AP1S3: variants seen among roughly 807,000 people sequenced by gnomAD.
AP1S3 encodes the protein adaptor related protein complex 1 subunit sigma 3, also known as AP-1 complex subunit sigma-3.
AP1S3 carries 10 observed loss-of-function variants against 20.9 expected under a neutral mutation model. The observed-to-expected ratio is 0.48, with a 90% CI of 0.29 to 0.81. The LOEUF is 0.81. AP1S3 is among the 30% of genes least tolerant of loss of function. The pLI is 0.08. For synonymous variants in AP1S3, 41 were observed against 61.5 expected (o/e 0.67, Z 1.56); for missense variants, 154 against 183.8 (o/e 0.84, Z 0.94).
intron 3 of AP1S3, among the ~76,000 whole-genome samples, chr2:223,768,139 G>C (rs1485552913): frequency 6.6e-6 from 1 of 152,198 alleles, no homozygotes; most frequent in Non-Finnish European, 1.5e-5. Flanking sequence ...GGGCCCTGCT[G>C]TCTGATTTCC....
At position 223,822,615 on chromosome 2, in the gene AP1S3, C is replaced by T. The variant is rs556641730; in HGVS notation, c.3+14833G>A. 9.9e-5 allele frequency among the ~76,000 whole-genome samples: 15 copies of T among 151,926 alleles called. No homozygotes were observed. The East Asian group carries it at 1.9e-3, about 20-fold the overall frequency. On this transcript the variant is annotated intron_variant, in intron 1 of 4. Transcript: ENST00000396654. Reference sequence around the variant, plus strand: ...AGGAGAATCGCTTTAACCTGGGAGGCGGAGGTTGCAGTGAGCCGAGATCGC... The same window carrying T: ...AGGAGAATCGCTTTAACCTGGGAGGTGGAGGTTGCAGTGAGCCGAGATCGC...
chr2:223,764,005 G>T (rs1426285220), intron 4 of AP1S3, among the ~76,000 whole-genome samples: 1 of 152,112 alleles, frequency 6.6e-6, no homozygotes, highest in Non-Finnish European at 1.5e-5. Flanking sequence ...TGCAACCTCC[G>T]CCTCCCGGGT....
At chr2:223,777,205 G>C (rs1690803160) in intron 2 of AP1S3, among the ~76,000 whole-genome samples, 2 of 152,152 alleles carry the variant, frequency 1.3e-5, no homozygotes, top group Admixed American at 1.3e-4. Context: ...AGACCAGCCT[G>C]GCCAACATGG....
At chr2:223,812,205 TTTTG>T (rs368221060) in intron 1 of AP1S3, among the ~76,000 whole-genome samples, 2 of 152,156 alleles carry the variant, frequency 1.3e-5, no homozygotes, top group African/African-American at 4.8e-5. Flanking sequence ...ATGTAAGCCT[TTTTG>T]TTTGTTTGTT....
At chr2:223,834,859 A>T (rs75714608) in intron 1 of AP1S3, among the ~76,000 whole-genome samples, 2 of 152,310 alleles carry the variant, frequency 1.3e-5, no homozygotes, top group African/African-American at 4.8e-5. Flanking sequence ...CAAAAAAAAA[A>T]TTAGTGAAAA....
At chr2:223,817,698 T>C (rs1251474225) in intron 1 of AP1S3, among the ~76,000 whole-genome samples, 1 of 151,636 alleles carries the variant, frequency 6.6e-6, no homozygotes, top group Non-Finnish European at 1.5e-5. Flanking sequence ...TCTCTGAGTA[T>C]CCGCTGTTGA....
rs75469809 is a variant in AP1S3 at position 223,776,679 on chromosome 2, C to T, written c.183-670G>A. Reference sequence around the variant, plus strand: ...TGGCTTAGGCATCAATTACCTGGGTCTCCAAGGGCAAAATTATGTTACCTC... The same window carrying T: ...TGGCTTAGGCATCAATTACCTGGGTTTCCAAGGGCAAAATTATGTTACCTC... On this transcript the variant is annotated intron_variant, in intron 2 of 4. Transcript: ENST00000396654. 1.5e-3 allele frequency among the ~76,000 whole-genome samples: 228 copies of T among 152,242 alleles called. 1 individual carries two copies. Among genetic ancestry groups the T allele is most frequent in the Admixed American group, 4.1e-3 (63 of 15,288 alleles).
At chr2:223,811,319 A>G (rs1473022706) in intron 1 of AP1S3, among the ~76,000 whole-genome samples, 4 of 152,050 alleles carry the variant, frequency 2.6e-5, no homozygotes, top group Non-Finnish European at 5.9e-5. Context: ...TGTAATCCCA[A>G]CACTTTTGGA....
At chr2:223,810,012 C>A (rs911613892) in intron 1 of AP1S3, among the ~76,000 whole-genome samples, 1 of 152,014 alleles carries the variant, frequency 6.6e-6, no homozygotes, top group Non-Finnish European at 1.5e-5. Flanking sequence ...CAGGTTGAGC[C>A]ACCGTGCCCG....
At chr2:223,795,710 C>A (rs1278230415) in intron 1 of AP1S3, among the ~76,000 whole-genome samples, 1 of 152,034 alleles carries the variant, frequency 6.6e-6, no homozygotes, top group Admixed American at 6.6e-5. Context: ...TGAGCTAAGT[C>A]GATGTGAAAA....
At chr2:223,787,520 A>G (rs529642303) in intron 1 of AP1S3, among the ~76,000 whole-genome samples, 5 of 152,346 alleles carry the variant, frequency 3.3e-5, no homozygotes, top group Non-Finnish European at 5.9e-5. Flanking sequence ...ATTTAGCAAA[A>G]TAGGGGAATT....
At chr2:223,834,548 C>T (rs1404604658) in intron 1 of AP1S3, among the ~76,000 whole-genome samples, 1 of 152,000 alleles carries the variant, frequency 6.6e-6, no homozygotes, top group African/African-American at 2.4e-5. Flanking sequence ...CATGTTCATG[C>T]TACTGCACTC....
Position 223,777,688 on chromosome 2 carries a change from C to T in AP1S3, c.182+3G>A. On this transcript the variant is annotated splice_donor_region_variant and intron_variant, in intron 2 of 4. Transcript: ENST00000396654. Reference sequence around the variant, plus strand: ...AATTGAGCTCTCAAAAAGTTACTCACACCTTTTATAAACAAGTTTTAGCTC... The same window carrying T: ...AATTGAGCTCTCAAAAAGTTACTCATACCTTTTATAAACAAGTTTTAGCTC... 1 of 1,611,304 alleles carries T rather than the reference C, an allele frequency of 6.2e-7. No homozygotes were observed. Among genetic ancestry groups the T allele is most frequent in the Non-Finnish European group, 8.5e-7 (1 of 1,179,006 alleles).
At chr2:223,835,990 T>G (rs1692386186) in intron 1 of AP1S3, among the ~76,000 whole-genome samples, 1 of 152,196 alleles carries the variant, frequency 6.6e-6, no homozygotes, top group Non-Finnish European at 1.5e-5. Flanking sequence ...TACAGCATTG[T>G]TTTTGCATCA....
At chr2:223,797,562 G>C (rs754668188) in intron 1 of AP1S3, among the ~76,000 whole-genome samples, 10 of 152,082 alleles carry the variant, frequency 6.6e-5, no homozygotes, top group Non-Finnish European at 1.3e-4. Flanking sequence ...AGGAGTTCGA[G>C]ACCAGCCTGG....
intron 3 of AP1S3, among the ~76,000 whole-genome samples, chr2:223,770,640 A>C (rs16825553): frequency 6.6e-6 from 1 of 151,602 alleles, no homozygotes; most frequent in African/African-American, 2.4e-5. Flanking sequence ...ATACAGCAAC[A>C]CAAAAGTGCT....
chr2:223,770,736 T>A (rs1690604719), intron 3 of AP1S3, among the ~76,000 whole-genome samples: 1 of 148,192 alleles, frequency 6.7e-6, no homozygotes, highest in Non-Finnish European at 1.5e-5. Context: ...CATTTTTTTT[T>A]TTTTTTTTTT....
intron 1 of AP1S3, among the ~76,000 whole-genome samples, chr2:223,818,307 C>T (rs1691903864): frequency 6.6e-6 from 1 of 151,848 alleles, no homozygotes; most frequent in African/African-American, 2.4e-5. Flanking sequence ...GTCCCAGCTA[C>T]TTGGGAGGCT....
rs1329968158 is a variant in AP1S3, at chr2:223,758,185, T to C, written c.*530A>G. 1.0e-6 allele frequency: 1 copy of C among 981,500 alleles called. No individual in the cohort carries two copies. The highest frequency in any genetic ancestry group is 1.7e-5 in the African/African-American group (1 of 57,158). 60.8% of individuals were successfully genotyped at this position (981,500 alleles called of 1,614,324 possible). A position where few individuals can be genotyped will look rare whatever the true frequency, so the allele number is the denominator to read the frequency against. ...TTCAGCACATTAAAATCAGACATTTTGTATGTGAATTGCAGTTACAGTACT... is the reference window on the plus strand; with the variant it reads ...TTCAGCACATTAAAATCAGACATTTCGTATGTGAATTGCAGTTACAGTACT... On this transcript the variant is annotated 3_prime_UTR_variant, in exon 5 of 5. Coordinates refer to ENST00000396654, the MANE Select transcript of AP1S3 (RefSeq NM_001039569.2).
Sources: allele counts gnomAD v4.1 joint callset (sites outside exome capture counted in the v4.1 genomes callset), GRCh38; gene constraint gnomAD v4.1.1; transcripts MANE v1.5; gene names NCBI Gene and HGNC (gene_info 2026-07-23, HGNC 2026-07-21).